The following COL4A5 variants were observed in gnomAD, a reference collection of about 807,000 sequenced individuals.
COL4A5 encodes collagen alpha-5(IV) chain.
A neutral mutation model predicts 130.2 loss-of-function variants in COL4A5; 26 were observed. The observed-to-expected ratio is 0.20, with a 90% CI of 0.15 to 0.28. The LOEUF is 0.28. COL4A5 is among the 10% of genes least tolerant of loss of function. The pLI is 1.00. For synonymous variants in COL4A5, 496 were observed against 439.6 expected (o/e 1.13, Z -1.60); for missense variants, 1,131 against 1,344.3 (o/e 0.84, Z 2.48).
intron 1 of COL4A5, among the ~76,000 whole-genome samples, chrX:108,445,637 G>T (rs1003740689): frequency 9.0e-6 from 1 of 111,520 alleles, no homozygotes; most frequent in East Asian, 2.8e-4. Flanking sequence ...GCCTCTCCCA[G>T]TTTCGTATCT....
chrX:108,443,686 C>T (rs372383999), intron 1 of COL4A5, among the ~76,000 whole-genome samples: 72 of 111,793 alleles, frequency 6.4e-4, no homozygotes, highest in African/African-American at 2.1e-3. Context: ...ACATGTAAGA[C>T]ATGAGACTCT....
At chrX:108,487,047 T>C (rs1231329690) in intron 1 of COL4A5, among the ~76,000 whole-genome samples, 1 of 112,118 alleles carries the variant, frequency 8.9e-6, no homozygotes, top group Non-Finnish European at 1.9e-5. Context: ...ATCTCCACAG[T>C]GTTTTCCATA....
At chrX:108,464,948 G>C (rs1470423944) in intron 1 of COL4A5, among the ~76,000 whole-genome samples, 1 of 111,740 alleles carries the variant, frequency 8.9e-6, no homozygotes, top group Non-Finnish European at 1.9e-5. Flanking sequence ...AAATGTACTA[G>C]TTTTAAGTGT....
intron 31 of COL4A5, 113 bp downstream of exon 31, chrX:108,620,539 G>T: frequency 1.6e-6 from 1 of 626,086 alleles, no homozygotes; most frequent in South Asian, 2.7e-5. Context: ...CCTTAAGGAT[G>T]AGCATTAAAT....
chrX:108,482,102 G>T (rs2064897979), intron 1 of COL4A5, among the ~76,000 whole-genome samples: 1 of 111,555 alleles, frequency 9.0e-6, no homozygotes, highest in East Asian at 2.8e-4. Flanking sequence ...TAAGCAGTGG[G>T]CCCAAATCAA....
chrX:108,494,891 A>G (rs774933063), intron 1 of COL4A5, among the ~76,000 whole-genome samples: 6 of 111,548 alleles, frequency 5.4e-5, no homozygotes, highest in Non-Finnish European at 9.4e-5. Flanking sequence ...TTAGAAAAAG[A>G]TGCTTAAAGA....
At chrX:108,690,575 T>C (rs1003447513) in intron 49 of COL4A5, among the ~76,000 whole-genome samples, 2 of 111,662 alleles carry the variant, frequency 1.8e-5, no homozygotes, top group Admixed American at 9.5e-5. Flanking sequence ...ACTCCTCGAC[T>C]TTTATATGTA....
At chrX:108,465,398 T>C (rs1206958690) in intron 1 of COL4A5, among the ~76,000 whole-genome samples, 1 of 112,049 alleles carries the variant, frequency 8.9e-6, no homozygotes, top group East Asian at 2.8e-4. Context: ...TCTTTTGTGA[T>C]GCATATTCTC....
intron 47 of COL4A5, among the ~76,000 whole-genome samples, chrX:108,685,593 AC>A (rs777294541): frequency 8.9e-6 from 1 of 112,271 alleles, no homozygotes; most frequent in Non-Finnish European, 1.9e-5. Context: ...TTTTAAACTA[AC>A]TGGTGTCTAG....
intron 1 of COL4A5, among the ~76,000 whole-genome samples, chrX:108,478,830 GT>G (rs1354199195): frequency 1.8e-5 from 2 of 112,355 alleles, no homozygotes; most frequent in Non-Finnish European, 3.8e-5. Context: ...GTAAGTGTCT[GT>G]TTCCAGTGAG....
intron 30 of COL4A5, among the ~76,000 whole-genome samples, chrX:108,617,037 C>A (rs1361763843): frequency 9.0e-5 from 10 of 110,569 alleles, no homozygotes; most frequent in Non-Finnish European, 1.9e-4. Context: ...TTAACAGGAA[C>A]TAGCATGAAA....
chrX:108,523,040 C>A (rs1410487125), intron 1 of COL4A5, among the ~76,000 whole-genome samples: 5 of 108,353 alleles, frequency 4.6e-5, no homozygotes, highest in South Asian at 4.2e-4. Flanking sequence ...CCACCATGCC[C>A]TAATTTTTGT....
chrX:108,444,376 T>C (rs1163314213), intron 1 of COL4A5, among the ~76,000 whole-genome samples: 1 of 110,419 alleles, frequency 9.1e-6, no homozygotes, highest in Non-Finnish European at 1.9e-5. Flanking sequence ...CCAGCCACCA[T>C]GCCGGGCTAA....
intron 1 of COL4A5, among the ~76,000 whole-genome samples, chrX:108,514,624 T>C (rs2147597977): frequency 8.9e-6 from 1 of 112,328 alleles, no homozygotes; most frequent in East Asian, 2.8e-4. Context: ...TATAACGTGG[T>C]AGGTCGTCAT....
Position 108,578,353 on chromosome X carries a change from A to G in COL4A5, c.750A>G (p.Pro250=), listed in dbSNP as rs1163287222. ...PPGQISEQKR[P]IDVEFQKGDQ... ...GGCAGATCAGTGAACAGAAAAGACCAATTGATGTAGAGTTTCAGAAAGGAG... is the reference window on the plus strand; with the variant it reads ...GGCAGATCAGTGAACAGAAAAGACCGATTGATGTAGAGTTTCAGAAAGGAG... Residue 250 remains proline, a synonymous_variant, in exon 13 of 53, where the codon CCA becomes CCG. Transcript: ENST00000328300. 45 of 1,207,555 alleles carry G rather than the reference A, an allele frequency of 3.7e-5. No homozygotes were observed. The highest frequency in any genetic ancestry group is 4.9e-5 in the Non-Finnish European group (44 of 893,118).
At chrX:108,482,291 G>A (rs934448897) in intron 1 of COL4A5, among the ~76,000 whole-genome samples, 16 of 111,482 alleles carry the variant, frequency 1.4e-4, no homozygotes, top group Admixed American at 2.9e-4. Context: ...TCTAGTGGCC[G>A]CTGGGACTTT....
chrX:108,597,204 A>G lies in COL4A5; in HGVS notation c.1587+136A>G, dbSNP rs4308887. On this transcript the variant is annotated intron_variant, in intron 23 of 52. Transcript: ENST00000328300. The stretch of plus-strand genomic sequence containing the variant: ...AAGTTGTACTTTGTTTGATTCCTTG[A>G]CTCTTCCTGACTCACATGCCTCACT... The G allele has an allele frequency of 0.23, 173,536 of 740,527 alleles. 17,928 individuals are homozygous for G. The highest frequency in any genetic ancestry group is 0.64 in the East Asian group (18,348 of 28,691). 61.0% of individuals were successfully genotyped at this position (740,527 alleles called of 1,213,427 possible). A position where few individuals can be genotyped will look rare whatever the true frequency, so the allele number is the denominator to read the frequency against.
chrX:108,601,805 C>T, intron 26 of COL4A5, 80 bp from the exon 27 acceptor site: 1 of 609,261 alleles, frequency 1.6e-6, no homozygotes. Flanking sequence ...GCTGGGATTA[C>T]AAGAGTGAGC....
At chrX:108,463,506 A>G (rs1016639361) in intron 1 of COL4A5, among the ~76,000 whole-genome samples, 1 of 111,426 alleles carries the variant, frequency 9.0e-6, no homozygotes, top group Non-Finnish European at 1.9e-5. Context: ...TGTGGGAGGG[A>G]GATAACGCTT....
Sources: gnomAD v4.1 joint callset for allele counts (sites outside exome capture counted in the v4.1 genomes callset) on GRCh38, gnomAD v4.1.1 for gene constraint, MANE v1.5 for transcripts, NCBI Gene and HGNC (gene_info 2026-07-23, HGNC 2026-07-21) for gene names.